Variants in RPAP1 observed in about 807,000 individuals in gnomAD.
RPAP1 encodes the protein RNA polymerase II-associated protein 1.
RPAP1 carries 109 observed loss-of-function variants against 142.4 expected under a neutral mutation model. The ratio of observed to expected loss-of-function variants is 0.77; its 90% CI spans 0.66 to 0.90. RPAP1 has a LOEUF of 0.90. RPAP1 is among the 40% of genes least tolerant of loss of function. RPAP1 has a pLI of 0.00. For missense variants in RPAP1, 1,546 were observed against 1,751.7 expected (o/e 0.88, Z 2.10); for synonymous variants, 704 against 738.9 (o/e 0.95, Z 0.77).
At chr15:41,532,293 T>G (rs2140779141) in intron 6 of RPAP1, among the ~76,000 whole-genome samples, 1 of 152,300 alleles carries the variant, frequency 6.6e-6, no homozygotes, top group African/African-American at 2.4e-5. Context: ...GTGCTGGGAT[T>G]ACAGGCGTGA....
intron 6 of RPAP1, 131 bp downstream of exon 6, chr15:41,534,583 C>T: frequency 5.7e-6 from 1 of 176,830 alleles, no homozygotes; most frequent in Non-Finnish European, 1.0e-5. Context: ...AAGACCATCT[C>T]AAAAAAAAAA....
intron 1 of RPAP1, among the ~76,000 whole-genome samples, chr15:41,537,814 T>TG (rs796280754): frequency 9.0e-5 from 13 of 144,202 alleles, no homozygotes; most frequent in African/African-American, 3.3e-4. Context: ...ACCTGGGAGA[T>TG]GGAGGTTGCT....
chr15:41,538,884 G>A (rs2051942112), intron 1 of RPAP1, among the ~76,000 whole-genome samples: 1 of 135,408 alleles, frequency 7.4e-6, no homozygotes, highest in Non-Finnish European at 1.7e-5. Context: ...TTTATTTAGT[G>A]AAAAGAAAGA....
chr15:41,535,604 C>T lies in RPAP1; in HGVS notation c.449G>A (p.Ser150Asn). ...QGKSATSGKR[S>N]IFAQEIAARR... ...TGCCGCAATTTCCTGGGCAAAGATGCTTCTCTTACCAGATGTTGCTGATTT... is the reference window on the plus strand; with the variant it reads ...TGCCGCAATTTCCTGGGCAAAGATGTTTCTCTTACCAGATGTTGCTGATTT... Residue 150 changes from serine (S) to asparagine (N), a missense_variant, in exon 5 of 25, where the codon AGC (serine) becomes AAC (asparagine). Physicochemically the swap from Ser to Asn is conservative, Grantham distance 46 (BLOSUM62 1). Transcript: ENST00000304330. 6.2e-7 allele frequency: 1 copy of T among 1,613,928 alleles called. No homozygotes were observed. Among genetic ancestry groups the T allele is most frequent in the Admixed American group, 1.7e-5 (1 of 59,946 alleles).
rs112536229 is a variant in RPAP1, at chr15:41,536,980, G to A, written c.146C>T (p.Pro49Leu). The A allele has an allele frequency of 0.012, 18,682 of 1,614,066 alleles. 338 individuals carry two copies. The highest frequency in any genetic ancestry group is 0.06 in the South Asian group (5,502 of 91,072). Residue 49 changes from proline (P) to leucine (L), a missense_variant, in exon 2 of 25, where the codon CCG becomes CTG. Pro to Leu is a moderately conservative substitution (Grantham distance 98). Coordinates refer to ENST00000304330, the MANE Select transcript of RPAP1 (RefSeq NM_015540.4). ...CACCACATCCCGATGGTCCTGGAGC[G>A]GAGGCCGGTCTGAGTTGGCATCACC... ...GGGDANSDRP[P>L]LQDHRDVVML...
chr15:41,538,115 C>T (rs2051932232), intron 1 of RPAP1, among the ~76,000 whole-genome samples: 1 of 152,046 alleles, frequency 6.6e-6, no homozygotes. Flanking sequence ...TGGTGGCGGG[C>T]ACCTGTATTC....
chr15:41,543,201 CTTTTTTTTTTTTTTTT>C (rs71104794), intron 1 of RPAP1, among the ~76,000 whole-genome samples: 1 of 78,964 alleles, frequency 1.3e-5, no homozygotes, highest in Admixed American at 1.7e-4. Flanking sequence ...CAATGCTGTC[CTTTTTTTTTTTTTTTT>C]TTTTTTTTTG....
chr15:41,536,933 AT>A lies in RPAP1; in HGVS notation c.181+11del, dbSNP rs753829487. On this transcript the variant is annotated intron_variant, in intron 2 of 24. Transcript: ENST00000304330. ...CTCTCTACTTCTCAGCCTCACATCC[AT>A]GGGAACTCACTGTCCAACATCACCA... The A allele has an allele frequency of 3.1e-6, 5 of 1,611,778 alleles. No individual in the cohort carries two copies. The South Asian group carries it at 5.5e-5, about 18-fold the overall frequency.
chr15:41,522,314 G>A, intron 19 of RPAP1, 64 bp from the exon 20 acceptor site: 1 of 1,502,658 alleles, frequency 6.7e-7, no homozygotes, highest in Admixed American at 2.0e-5. Flanking sequence ...GGCTCCCCAG[G>A]TGGCTGCCCC....
Position 41,524,232 on chromosome 15 carries a change from G to C in RPAP1, c.2098C>G (p.Arg700Gly), listed in dbSNP as rs771437321. The C allele has an allele frequency of 3.2e-6, 5 of 1,545,288 alleles. No individual in the cohort carries two copies. The highest frequency in any genetic ancestry group is 1.4e-5 in the African/African-American group (1 of 72,814). ...LYRELYPVLM[R>G]ALQVVPRELS... ...TCCCGCGGCACCACCTGCAAGGCCC[G>C]CATCAGCACTGGGTAGAGCTCCCTA... is the stretch of plus-strand genomic sequence containing the variant. The change falls in exon 16 of 25, where the codon CGG (arginine) becomes GGG (glycine). Residue 700 changes from arginine to glycine, a missense_variant. Coordinates refer to ENST00000304330, the MANE Select transcript of RPAP1 (RefSeq NM_015540.4).
At chr15:41,523,629 G>A (rs1247950373) in intron 17 of RPAP1, 142 bp downstream of exon 17, 5 of 824,178 alleles carry the variant, frequency 6.1e-6, no homozygotes, top group Non-Finnish European at 9.6e-6. Flanking sequence ...GGTAGAAAGA[G>A]GAGGAAGGGT....
At chr15:41,543,975 C>G (rs1161297210) in intron 1 of RPAP1, 1 of 152,234 alleles carries the variant, frequency 6.6e-6, no homozygotes, top group Admixed American at 6.5e-5. Context: ...CTGCCCTTAC[C>G]GCTCAGGTCA....
At chr15:41,522,344 G>T in intron 19 of RPAP1, 94 bp from the exon 20 acceptor site, 1 of 1,256,334 alleles carries the variant, frequency 8.0e-7, no homozygotes, top group Non-Finnish European at 1.1e-6. Context: ...TCAGGGAAAT[G>T]AGTGCCAGCA....
Position 41,517,542 on chromosome 15 carries a change from C to T in RPAP1, c.4182G>A (p.Ter1394=). The change falls in exon 25 of 25, where the codon TAG becomes TAA. Residue 1394 remains the stop codon, a stop_retained_variant. Coordinates refer to ENST00000304330, the MANE Select transcript of RPAP1 (RefSeq NM_015540.4). The part of the protein sequence containing the change: ...TVLQNGVSET[*] Reference sequence around the variant, plus strand: ...CATCTTTCCATCTATATCAACTATCCTAGGTCTCTGATACCCCATTTTGGA... The same window carrying T: ...CATCTTTCCATCTATATCAACTATCTTAGGTCTCTGATACCCCATTTTGGA... 1 of 1,554,928 alleles carries T rather than the reference C, an allele frequency of 6.4e-7. No individual in the cohort carries two copies. Among genetic ancestry groups the T allele is most frequent in the East Asian group, 2.3e-5 (1 of 44,366 alleles).
intron 14 of RPAP1, 58 bp downstream of exon 14, chr15:41,526,840 C>T (rs2051795324): frequency 5.3e-6 from 8 of 1,511,320 alleles, no homozygotes; most frequent in South Asian, 1.3e-5. Context: ...CCATGTTTAG[C>T]TCCCAACCCA....
At chr15:41,543,133 CA>C (rs2051986481) in intron 1 of RPAP1, among the ~76,000 whole-genome samples, 1 of 149,842 alleles carries the variant, frequency 6.7e-6, no homozygotes, top group Admixed American at 6.7e-5. Context: ...GGCCAGAAGT[CA>C]AATACCAGTT....
At chr15:41,519,061 C>G (rs1200344) in intron 22 of RPAP1, among the ~76,000 whole-genome samples, 8 of 151,888 alleles carry the variant, frequency 5.3e-5, no homozygotes, top group Non-Finnish European at 7.4e-5. Flanking sequence ...GCTAATTTTC[C>G]AATAATTTTT....
chr15:41,538,678 G>T (rs1231591858), intron 1 of RPAP1, among the ~76,000 whole-genome samples: 1 of 152,146 alleles, frequency 6.6e-6, no homozygotes, highest in African/African-American at 2.4e-5. Context: ...TATATAGATA[G>T]TATGAACAGT....
At chr15:41,536,337 C>A in intron 3 of RPAP1, 119 bp from the exon 4 acceptor site, 2 of 1,311,664 alleles carry the variant, frequency 1.5e-6, no homozygotes, top group Non-Finnish European at 2.2e-6. Flanking sequence ...TACGGACCCT[C>A]CTCCCTTCAG....
Sources: allele counts gnomAD v4.1 joint callset (sites outside exome capture counted in the v4.1 genomes callset), GRCh38; gene constraint gnomAD v4.1.1; transcripts MANE v1.5; gene names NCBI Gene and HGNC (gene_info 2026-07-23, HGNC 2026-07-21).